Variants in SLC17A1 observed in about 807,000 individuals in gnomAD.
SLC17A1 encodes the protein sodium-dependent phosphate transport protein 1.
Under a neutral mutation model 53.5 loss-of-function variants are expected in SLC17A1, and 51 were observed. The ratio of observed to expected loss-of-function variants is 0.95; its 90% CI spans 0.76 to 1.20. The LOEUF is 1.20. Among genes scored for constraint, SLC17A1 ranks in the 50% most tolerant of loss-of-function variants. The probability of loss-of-function intolerance (pLI) is 0.00; values close to 1 mark genes in which losing one functional copy is unlikely to be tolerated. For synonymous variants in SLC17A1, 179 were observed against 198.8 expected (o/e 0.90, Z 0.84); for missense variants, 538 against 568.2 (o/e 0.95, Z 0.54).
At chr6:25,734,185 A>G in the SLC17A1 span, among the ~76,000 whole-genome samples, 91 of 152,322 alleles carry the variant, frequency 6.0e-4, no homozygotes, top group African/African-American at 2.1e-3. Flanking sequence ...TTAAATAAAT[A>G]TAAGAGCTAT....
At chr6:25,761,892 T>C in the SLC17A1 span, 1 of 1,253,560 alleles carries the variant, frequency 8.0e-7, no homozygotes. Context: ...TATAAGATTC[T>C]CCCTGTATTT....
the SLC17A1 span, chr6:25,773,686 G>C: frequency 6.2e-7 from 1 of 1,610,842 alleles, no homozygotes. Context: ...TAAGTACAGA[G>C]AAAGCTCATT....
chr6:25,807,134 T>C (rs1042016156), intron 10 of SLC17A1, among the ~76,000 whole-genome samples: 4 of 152,112 alleles, frequency 2.6e-5, no homozygotes, highest in African/African-American at 9.7e-5. Flanking sequence ...TCCAAAAGAA[T>C]TGAAAGTAGA....
chr6:25,791,126 C>T (rs3799346), intron 12 of SLC17A1, among the ~76,000 whole-genome samples: 42,261 of 151,978 alleles, frequency 0.28, 6,376 homozygotes, highest in African/African-American at 0.4. Context: ...TTATCATGTT[C>T]TTATATCAGT....
chr6:25,773,675 G>GT, the SLC17A1 span: 1 of 1,612,774 alleles, frequency 6.2e-7, no homozygotes, highest in South Asian at 1.1e-5. Context: ...CCTCAGAGAT[G>GT]TAAGTACAGA....
intron 12 of SLC17A1, among the ~76,000 whole-genome samples, chr6:25,793,454 A>G (rs766466367): frequency 6.6e-6 from 1 of 152,122 alleles, no homozygotes; most frequent in Non-Finnish European, 1.5e-5. Flanking sequence ...CGGAATACTC[A>G]CTGACCTCCA....
At chr6:25,731,882 C>A in the SLC17A1 span, 1 of 1,602,976 alleles carries the variant, frequency 6.2e-7, no homozygotes, top group African/African-American at 1.3e-5. Flanking sequence ...CCGTCTGGAT[C>A]TCCCTGGAGG....
the SLC17A1 span, among the ~76,000 whole-genome samples, chr6:25,727,992 T>A: frequency 6.6e-6 from 1 of 152,078 alleles, no homozygotes; most frequent in African/African-American, 2.4e-5. Flanking sequence ...TACAGCCTGG[T>A]GACAGCGAGA....
intron 6 of SLC17A1, among the ~76,000 whole-genome samples, chr6:25,818,533 A>T (rs992510655): frequency 2.6e-5 from 4 of 152,200 alleles, no homozygotes; most frequent in African/African-American, 9.6e-5. Flanking sequence ...TCACGTATCA[A>T]ATGGACATAA....
chr6:25,803,267 T>C (rs1016695973), intron 10 of SLC17A1, among the ~76,000 whole-genome samples: 8 of 152,038 alleles, frequency 5.3e-5, no homozygotes, highest in African/African-American at 1.9e-4. Context: ...GGTCTTGAAC[T>C]GAATAAATCA....
chr6:25,778,223 G>T (rs1018105590), downstream of SLC17A1, among the ~76,000 whole-genome samples: 4 of 151,868 alleles, frequency 2.6e-5, no homozygotes, highest in African/African-American at 9.7e-5. Context: ...GAATAAAGAA[G>T]TATGTGGCAT....
chr6:25,741,338 G>A, the SLC17A1 span, among the ~76,000 whole-genome samples: 1 of 150,940 alleles, frequency 6.6e-6, no homozygotes, highest in African/African-American at 2.4e-5. Context: ...GGGAGGCTAA[G>A]GTGGGTGTAT....
chr6:25,789,979 G>A (rs1170429912), intron 12 of SLC17A1, among the ~76,000 whole-genome samples: 2 of 152,138 alleles, frequency 1.3e-5, no homozygotes, highest in African/African-American at 4.8e-5. Flanking sequence ...AAGTGTGTGA[G>A]TGGTGTGGAG....
chr6:25,753,724 G>T, the SLC17A1 span, among the ~76,000 whole-genome samples: 3 of 152,104 alleles, frequency 2.0e-5, no homozygotes, highest in Non-Finnish European at 4.4e-5. Flanking sequence ...CAGGAGTAGG[G>T]TTGGAGGGAG....
chr6:25,726,015 G>A, the SLC17A1 span: 88 of 897,902 alleles, frequency 9.8e-5, no homozygotes, highest in East Asian at 1.6e-3. Context: ...TAAGATGGCT[G>A]GTTAACAGCA....
the SLC17A1 span, chr6:25,754,662 G>C: frequency 3.9e-5 from 6 of 152,156 alleles, no homozygotes; most frequent in Non-Finnish European, 7.3e-5. Context: ...AATTCTCCAA[G>C]CTGGTAACAT....
the SLC17A1 span, chr6:25,732,773 G>A: frequency 1.0e-6 from 1 of 958,152 alleles, no homozygotes; most frequent in Non-Finnish European, 1.6e-6. Context: ...CATCCAAGCT[G>A]TGCTGCTGTC....
the SLC17A1 span, among the ~76,000 whole-genome samples, chr6:25,758,848 G>T: frequency 6.6e-6 from 1 of 151,926 alleles, no homozygotes; most frequent in African/African-American, 2.4e-5. Flanking sequence ...GTTTGGGTTT[G>T]GTTTGTTCTT....
At chr6:25,795,775 T>A (rs1249287931) in intron 12 of SLC17A1, among the ~76,000 whole-genome samples, 1 of 152,064 alleles carries the variant, frequency 6.6e-6, no homozygotes, top group Admixed American at 6.6e-5. Flanking sequence ...AATTTAAGGT[T>A]GTCATATCAA....
Sources: gnomAD v4.1 joint callset for allele counts (sites outside exome capture counted in the v4.1 genomes callset) on GRCh38, gnomAD v4.1.1 for gene constraint, MANE v1.5 for transcripts, NCBI Gene and HGNC (gene_info 2026-07-23, HGNC 2026-07-21) for gene names.